The following PRELID2 variants were observed in gnomAD, a reference collection of about 807,000 sequenced individuals.
The protein encoded by PRELID2 is PRELI domain containing 2.
Under a neutral mutation model 28.4 loss-of-function variants are expected in PRELID2, and 25 were observed. The ratio of observed to expected loss-of-function variants is 0.88; its 90% confidence interval spans 0.64 to 1.23. The LOEUF (loss-of-function observed/expected upper bound fraction) is 1.23, where lower values mean the gene tolerates loss of function less well. PRELID2 is among the 50% of genes most tolerant of loss of function. The probability of loss-of-function intolerance (pLI) is 0.00; values close to 1 mark genes in which losing one functional copy is unlikely to be tolerated. For synonymous variants in PRELID2, 76 were observed against 71.6 expected (o/e 1.06, Z -0.31); for missense variants, 201 against 214.4 (o/e 0.94, Z 0.39).
chr5:145,245,424 A>T, the PRELID2 span, among the ~76,000 whole-genome samples: 1 of 152,102 alleles, frequency 6.6e-6, no homozygotes, highest in Non-Finnish European at 1.5e-5. Context: ...AGAGAGAGAG[A>T]GAGAGAGAGA....
In PRELID2 at chr5:145,546,949, T is replaced by G. The variant is rs1040793991; in HGVS notation, n.71-73634A>C. Among the ~76,000 whole-genome samples, 4 of 152,314 alleles carry G rather than the reference T, an allele frequency of 2.6e-5. No homozygotes were observed. The South Asian group carries it at 8.3e-4, about 32-fold the overall frequency. ...TCATCTTTTGGTAGTTAAATTTCCC[T>G]TCTGTTAAAGCGGGAGTAATACCTA... On this transcript the variant is annotated intron_variant and non_coding_transcript_variant, in intron 1 of 2. Coordinates refer to the PRELID2 transcript ENST00000510259.
At chr5:145,736,728 T>A (rs552603187) in intron 1 of PRELID2, among the ~76,000 whole-genome samples, 32 of 152,286 alleles carry the variant, frequency 2.1e-4, no homozygotes, top group African/African-American at 7.7e-4. Flanking sequence ...ATGTAAATGA[T>A]CAATAAATAG....
intron 1 of PRELID2, among the ~76,000 whole-genome samples, chr5:145,705,816 T>C (rs935225632): frequency 5.9e-5 from 9 of 152,142 alleles, no homozygotes; most frequent in African/African-American, 1.9e-4. Context: ...GAATTTCATA[T>C]AAATTTTACA....
intron 1 of PRELID2, among the ~76,000 whole-genome samples, chr5:145,550,086 G>A (rs1752821877): frequency 6.6e-6 from 1 of 152,122 alleles, no homozygotes; most frequent in Non-Finnish European, 1.5e-5. Context: ...TATGAGCAGG[G>A]TTTAGGCAAA....
the PRELID2 span, among the ~76,000 whole-genome samples, chr5:145,413,299 T>A: frequency 4.0e-5 from 6 of 151,710 alleles, no homozygotes; most frequent in Non-Finnish European, 7.4e-5. Flanking sequence ...ACCTTACTCT[T>A]GCAAGAATGA....
chr5:145,563,152 T>C (rs1414096413), intron 1 of PRELID2, among the ~76,000 whole-genome samples: 2 of 152,260 alleles, frequency 1.3e-5, no homozygotes, highest in Non-Finnish European at 2.9e-5. Flanking sequence ...GCCATGGTCA[T>C]GTGCCTCAAG....
At chr5:145,825,253 A>AAAAAAAAAAG (rs1561654992) in intron 1 of PRELID2, among the ~76,000 whole-genome samples, 2 of 143,878 alleles carry the variant, frequency 1.4e-5, no homozygotes, top group Non-Finnish European at 3.1e-5. Context: ...AAAAAAAAAA[A>AAAAAAAAAAG]AAAAAAACTT....
intron 6 of PRELID2, among the ~76,000 whole-genome samples, chr5:145,764,223 C>A (rs1455627171): frequency 6.6e-6 from 1 of 152,230 alleles, no homozygotes; most frequent in East Asian, 1.9e-4. Context: ...AAAGACCATT[C>A]TCCCTGATCC....
the PRELID2 span, among the ~76,000 whole-genome samples, chr5:145,252,597 T>C: frequency 6.6e-6 from 1 of 152,148 alleles, no homozygotes; most frequent in South Asian, 2.1e-4. Context: ...TTATCAACTG[T>C]AAGGTGTTAA....
the PRELID2 span, among the ~76,000 whole-genome samples, chr5:145,427,313 A>G: frequency 6.6e-6 from 1 of 152,226 alleles, no homozygotes; most frequent in Admixed American, 6.5e-5. Flanking sequence ...TAACCCTCTA[A>G]TGTAGTGTGT....
chr5:145,370,282 A>T, the PRELID2 span, among the ~76,000 whole-genome samples: 1 of 151,684 alleles, frequency 6.6e-6, no homozygotes, highest in Non-Finnish European at 1.5e-5. Context: ...ATCCATCTTG[A>T]GTTAATTTTT....
At chr5:145,455,771 T>C in the PRELID2 span, among the ~76,000 whole-genome samples, 2 of 152,176 alleles carry the variant, frequency 1.3e-5, no homozygotes, top group African/African-American at 2.4e-5. Flanking sequence ...ATAGGAATGC[T>C]TGTGATTTTG....
At chr5:145,699,114 C>T (rs994334326) in intron 1 of PRELID2, among the ~76,000 whole-genome samples, 9 of 152,100 alleles carry the variant, frequency 5.9e-5, no homozygotes, top group South Asian at 4.1e-4. Flanking sequence ...CGGTCCATAC[C>T]AGCAGAATGT....
chr5:145,811,082 CAAAAAAAAAAAAAAAAAAAAA>C (rs56978118), intron 4 of PRELID2, among the ~76,000 whole-genome samples: 1 of 26,730 alleles, frequency 3.7e-5, no homozygotes, highest in South Asian at 2.7e-3. Context: ...TGGCAGCAGG[CAAAAAAAAAAAAAAAAAAAAA>C]AAAAAAAAAA....
intron 1 of PRELID2, among the ~76,000 whole-genome samples, chr5:145,610,783 A>G (rs1178763845): frequency 6.6e-6 from 1 of 152,162 alleles, no homozygotes; most frequent in Non-Finnish European, 1.5e-5. Flanking sequence ...AAATCAGAAT[A>G]GAAGGATCTT....
the PRELID2 span, among the ~76,000 whole-genome samples, chr5:145,259,958 G>A: frequency 1.3e-5 from 2 of 152,106 alleles, no homozygotes; most frequent in Admixed American, 1.3e-4. Flanking sequence ...ATTGGATCAT[G>A]GGAGGGATTT....
rs149156648 is a variant in PRELID2, at chr5:145,674,865, G to A, written n.70+90066C>T. ...CAGGAGGATCACTTGAACCCAGGAC[G>A]TGGGGGTTTCAGTGAACCATGATTT... On this transcript the variant is annotated intron_variant and non_coding_transcript_variant, in intron 1 of 2. Coordinates refer to the PRELID2 transcript ENST00000510259. Among the ~76,000 whole-genome samples the A allele has an allele frequency of 6.4e-3, 976 of 152,100 alleles. 12 individuals are homozygous for A. The highest frequency in any genetic ancestry group is 0.021 in the African/African-American group (853 of 41,468).
chr5:145,627,097 CAAAAAAAAAAAAAAAAAAAAAAAAAAAAA>C lies in PRELID2; in HGVS notation n.70+137805_70+137833del, dbSNP rs745309247. ...CCTGGGTGACAGAGTAAGACTCTCCCAAAAAAAAAAAAAAAAAAAAAAAAAAAAAAAAAAAAAAAAAAAAAAAAATTTGT... is the reference window on the plus strand; with the variant it reads ...CCTGGGTGACAGAGTAAGACTCTCCCAAAAAAAAAAAAAAAAAAAATTTGT... On this transcript the variant is annotated intron_variant and non_coding_transcript_variant, in intron 1 of 2. Transcript: ENST00000510259. Among the ~76,000 whole-genome samples, 25 of 41,828 alleles carry C rather than the reference CAAAAAAAAAAAAAAAAAAAAAAAAAAAAA, an allele frequency of 6.0e-4. No homozygotes were observed. In the South Asian group the frequency reaches 6.9e-3, roughly 12 times the overall value. 27.4% of individuals were successfully genotyped at this position (41,828 alleles called of 152,430 possible). A position where few individuals can be genotyped will look rare whatever the true frequency, so the allele number is the denominator to read the frequency against.
the PRELID2 span, among the ~76,000 whole-genome samples, chr5:145,389,832 GT>G: frequency 6.6e-6 from 1 of 152,134 alleles, no homozygotes; most frequent in African/African-American, 2.4e-5. Context: ...TGCCACAGGG[GT>G]TCACACTTAC....
Sources: gnomAD v4.1 joint callset for allele counts (sites outside exome capture counted in the v4.1 genomes callset) on GRCh38, gnomAD v4.1.1 for gene constraint, MANE v1.5 for transcripts, NCBI Gene and HGNC (gene_info 2026-07-23, HGNC 2026-07-21) for gene names.